Variants in LRRC4C observed in about 807,000 individuals in gnomAD.
LRRC4C encodes the protein leucine-rich repeat-containing protein 4C.
Under a neutral mutation model 33.6 loss-of-function variants are expected in LRRC4C, and 5 were observed. The ratio of observed to expected loss-of-function variants is 0.15; its 90% CI spans 0.08 to 0.31. LRRC4C has a LOEUF of 0.31. LRRC4C is among the 10% of genes least tolerant of loss of function. LRRC4C has a pLI of 1.00. For synonymous variants in LRRC4C, 329 were observed against 302.0 expected (o/e 1.09, Z -0.93); for missense variants, 560 against 796.7 (o/e 0.70, Z 3.58).
chr11:40,432,333 A>G (rs112636948), intron 3 of LRRC4C, among the ~76,000 whole-genome samples: 5 of 152,200 alleles, frequency 3.3e-5, no homozygotes, highest in African/African-American at 1.2e-4. Context: ...AGTCCATTCC[A>G]ATCTCTCCCT....
chr11:40,788,924 C>G (rs1950520277), intron 2 of LRRC4C, among the ~76,000 whole-genome samples: 1 of 151,856 alleles, frequency 6.6e-6, no homozygotes, highest in South Asian at 2.1e-4. Flanking sequence ...AACCCCGTCT[C>G]TACTAAAAAT....
At chr11:40,712,035 C>G (rs1946493023) in intron 2 of LRRC4C, among the ~76,000 whole-genome samples, 1 of 152,030 alleles carries the variant, frequency 6.6e-6, no homozygotes, top group South Asian at 2.1e-4. Flanking sequence ...TACAAAATAA[C>G]CACATCTAAT....
At chr11:41,105,962 T>A (rs541962301) in intron 1 of LRRC4C, among the ~76,000 whole-genome samples, 1 of 152,106 alleles carries the variant, frequency 6.6e-6, no homozygotes. Context: ...ATCATTACAG[T>A]CTCTTGCCTT....
intron 5 of LRRC4C, among the ~76,000 whole-genome samples, chr11:40,189,587 G>C (rs1861671279): frequency 6.6e-6 from 1 of 152,190 alleles, no homozygotes; most frequent in Non-Finnish European, 1.5e-5. Flanking sequence ...TCACATAGTA[G>C]CTACTTGACT....
At chr11:40,664,533 A>T (rs1943616256) in intron 2 of LRRC4C, among the ~76,000 whole-genome samples, 1 of 134,636 alleles carries the variant, frequency 7.4e-6, no homozygotes, top group South Asian at 2.6e-4. Context: ...CGAAAGAGCG[A>T]GACTCTGTCT....
At chr11:40,204,716 C>T (rs1225775966) in intron 5 of LRRC4C, among the ~76,000 whole-genome samples, 4 of 152,144 alleles carry the variant, frequency 2.6e-5, no homozygotes, top group African/African-American at 4.8e-5. Flanking sequence ...GCCTTTTTCC[C>T]GAGCTCACCC....
chr11:41,400,619 T>C (rs776416659), intron 1 of LRRC4C, among the ~76,000 whole-genome samples: 2 of 151,888 alleles, frequency 1.3e-5, no homozygotes, highest in Non-Finnish European at 2.9e-5. Context: ...AAAATGCCAA[T>C]GTACAAAATC....
At chr11:40,771,744 A>T (rs542118330) in intron 2 of LRRC4C, among the ~76,000 whole-genome samples, 6 of 152,276 alleles carry the variant, frequency 3.9e-5, no homozygotes, top group African/African-American at 1.4e-4. Flanking sequence ...GCATAGCAAT[A>T]GTCATCTTTG....
intron 3 of LRRC4C, among the ~76,000 whole-genome samples, chr11:40,514,186 C>T (rs922942977): frequency 6.6e-6 from 1 of 152,132 alleles, no homozygotes. Flanking sequence ...AAATTGCATA[C>T]GTTCATGAAC....
At chr11:41,404,248 C>T (rs1157668863) in intron 1 of LRRC4C, among the ~76,000 whole-genome samples, 1 of 151,910 alleles carries the variant, frequency 6.6e-6, no homozygotes, top group African/African-American at 2.4e-5. Context: ...TCCCAAGTTT[C>T]CCCAAGCAAA....
chr11:41,050,096 G>A (rs1565335998), intron 1 of LRRC4C, among the ~76,000 whole-genome samples: 1 of 152,122 alleles, frequency 6.6e-6, no homozygotes, highest in Non-Finnish European at 1.5e-5. Context: ...ATTAATATGA[G>A]CATTTATTCT....
intron 3 of LRRC4C, among the ~76,000 whole-genome samples, chr11:40,443,838 G>A (rs2137995036): frequency 6.6e-6 from 1 of 152,272 alleles, no homozygotes; most frequent in South Asian, 2.1e-4. Flanking sequence ...CATTTTGAGA[G>A]TTAGCAATCT....
intron 3 of LRRC4C, among the ~76,000 whole-genome samples, chr11:40,594,037 T>C (rs1959168073): frequency 6.6e-6 from 1 of 152,158 alleles, no homozygotes; most frequent in Non-Finnish European, 1.5e-5. Context: ...ACTATCTAGG[T>C]CACTGTCAAA....
chr11:40,350,064 T>C (rs1947316414), intron 3 of LRRC4C, among the ~76,000 whole-genome samples: 1 of 152,160 alleles, frequency 6.6e-6, no homozygotes, highest in African/African-American at 2.4e-5. Flanking sequence ...TGATGATTGT[T>C]TTCCTTGCTG....
chr11:41,429,355 A>C (rs1955154867), intron 1 of LRRC4C, among the ~76,000 whole-genome samples: 1 of 152,146 alleles, frequency 6.6e-6, no homozygotes, highest in African/African-American at 2.4e-5. Context: ...GGACGGACTA[A>C]TACAGGACTG....
At chr11:41,060,572 C>G (rs1937685902) in intron 1 of LRRC4C, among the ~76,000 whole-genome samples, 1 of 152,090 alleles carries the variant, frequency 6.6e-6, no homozygotes, top group East Asian at 1.9e-4. Flanking sequence ...CTTATGAGGA[C>G]ACTAATTCTG....
intron 1 of LRRC4C, among the ~76,000 whole-genome samples, chr11:41,228,620 T>G (rs1186641069): frequency 1.3e-5 from 2 of 152,148 alleles, no homozygotes; most frequent in Non-Finnish European, 2.9e-5. Context: ...AATGTGTGGA[T>G]GTAGTACTCA....
chr11:40,139,321 T>G (rs1857204720), intron 6 of LRRC4C, among the ~76,000 whole-genome samples: 1 of 152,210 alleles, frequency 6.6e-6, no homozygotes, highest in Admixed American at 6.5e-5. Flanking sequence ...AGACATTTTT[T>G]GGACTGCAAT....
At chr11:41,137,684 CAT>C (rs1030493307) in intron 1 of LRRC4C, among the ~76,000 whole-genome samples, 25 of 152,124 alleles carry the variant, frequency 1.6e-4, no homozygotes, top group Admixed American at 3.9e-4. Flanking sequence ...ATTTATAAAA[CAT>C]GTGGAGAAAA....
Sources: allele counts gnomAD v4.1 joint callset (sites outside exome capture counted in the v4.1 genomes callset), GRCh38; gene constraint gnomAD v4.1.1; transcripts MANE v1.5; gene names NCBI Gene and HGNC (gene_info 2026-07-23, HGNC 2026-07-21).